TMEM94: variants seen among roughly 807,000 people sequenced by gnomAD.
TMEM94 encodes the protein transmembrane protein 94, also known as ER Mg2+ ATPase.
A neutral mutation model predicts 158.6 loss-of-function variants in TMEM94; 81 were observed. The ratio of observed to expected loss-of-function variants is 0.51; its 90% CI spans 0.43 to 0.61. TMEM94 has a LOEUF of 0.61. TMEM94 is among the 20% of genes least tolerant of loss of function. TMEM94 has a pLI of 0.00. For missense variants in TMEM94, 1,435 were observed against 1,762.0 expected, an observed-to-expected ratio of 0.81 and a Z score of 3.32; for synonymous variants, 751 against 730.7, an observed-to-expected ratio of 1.03 and a Z score of -0.45.
chr17:75,458,901 C>T (rs2049976260), intron 1 of TMEM94, among the ~76,000 whole-genome samples: 1 of 150,920 alleles, frequency 6.6e-6, no homozygotes, highest in Non-Finnish European at 1.5e-5. Flanking sequence ...ACTAAAAATG[C>T]AAAAAATTAG....
At position 75,492,788 on chromosome 17, in the gene TMEM94, T is replaced by C. The variant is rs760440197; in HGVS notation, c.1911T>C (p.Ile637=). The C allele has an allele frequency of 9.4e-6, 15 of 1,604,000 alleles. No homozygotes were observed. The South Asian group carries it at 1.5e-4, about 17-fold the overall frequency. ...GCCTCTGCGAGCTTGCCCGCCTCAT[T>C]GGTACAGGTCCCCATGGCAGGGGAT... is the stretch of plus-strand genomic sequence containing the variant. ...PWGLCELARL[I]GFTPGAKELF... is the part of the protein sequence containing the mutation. Residue 637 remains isoleucine, a splice_region_variant and synonymous_variant, in exon 15 of 32, where the codon ATT becomes ATC. Coordinates refer to ENST00000314256, the MANE Select transcript of TMEM94 (RefSeq NM_014738.6). This position sits in a 1 kb window ranked among gnomAD's most constrained non-coding sequence, Gnocchi z 4.4.
rs904357848 is a variant in TMEM94, at chr17:75,493,533, T to TA, written c.2130dup (p.Glu711ArgfsTer11). On this transcript the variant is annotated frameshift_variant, in exon 17 of 32. Transcript: ENST00000314256. LOFTEE classifies it high-confidence loss of function. ...TCCCATGGCACCGCTGATGTGGTCTTAGAGGCCTGCACAGACTTCTGGGAC... is the reference window on the plus strand; with the variant it reads ...TCCCATGGCACCGCTGATGTGGTCTTAAGAGGCCTGCACAGACTTCTGGGAC... 20 of 1,613,930 alleles carry TA rather than the reference T, an allele frequency of 1.2e-5. No individual in the cohort carries two copies. The highest frequency in any genetic ancestry group is 1.1e-4 in the African/African-American group (8 of 74,920).
rs543341924 is a variant in TMEM94 at position 75,499,152 on chromosome 17, C to T, written c.3998+70C>T. The T allele has an allele frequency of 4.1e-5, 65 of 1,581,920 alleles. No homozygotes were observed. In the African/African-American group the frequency reaches 7.6e-4, roughly 19 times the overall value. On this transcript the variant is annotated intron_variant, in intron 31 of 31. Coordinates refer to ENST00000314256, the MANE Select transcript of TMEM94 (RefSeq NM_014738.6). ...CCTAAACCTGTTACTCCCTTGGCGA[C>T]ACTCCCCCACCTTTCCGCTGCCCAT...
At chr17:75,477,320 T>TA (rs1236149648) in intron 2 of TMEM94, among the ~76,000 whole-genome samples, 1 of 152,168 alleles carries the variant, frequency 6.6e-6, no homozygotes, top group Non-Finnish European at 1.5e-5. Context: ...GAAGAGTGTA[T>TA]AGTGGCTGAA....
chr17:75,484,027 G>C (rs369158688), intron 2 of TMEM94, among the ~76,000 whole-genome samples: 2 of 152,292 alleles, frequency 1.3e-5, no homozygotes, highest in South Asian at 4.1e-4. Flanking sequence ...AGCCAGGAAT[G>C]GGGGAGTCCT....
chr17:75,486,425 A>G lies in TMEM94; in HGVS notation c.408A>G (p.Gln136=), dbSNP rs370748075. The G allele has an allele frequency of 1.9e-6, 3 of 1,614,200 alleles. No homozygotes were observed. The highest frequency in any genetic ancestry group is 1.3e-5 in the African/African-American group (1 of 75,066). Residue 136 remains glutamine (Q), a splice_region_variant and synonymous_variant, in exon 5 of 32, where the codon CAA becomes CAG. Coordinates refer to ENST00000314256, the MANE Select transcript of TMEM94 (RefSeq NM_014738.6). ...RRLRGIIDQI[Q]DALRDGREIQ... Reference sequence around the variant, plus strand: ...TGCGAGGGATCATTGACCAAATCCAAGGTGAGGTCAAGGGCAGGCATATTG... The same window carrying G: ...TGCGAGGGATCATTGACCAAATCCAGGGTGAGGTCAAGGGCAGGCATATTG...
At position 75,492,285 on chromosome 17, in the gene TMEM94, A is replaced by G. The variant is rs542273634; in HGVS notation, c.1597-189A>G. 3 of 1,427,716 alleles carry G rather than the reference A, an allele frequency of 2.1e-6. No individual in the cohort carries two copies. The African/African-American group carries it at 4.3e-5, about 20-fold the overall frequency. The allele number at this position is 1,427,716 out of a possible 1,614,324, so 88.4% of individuals were successfully genotyped here. A position where few individuals can be genotyped will look rare whatever the true frequency, so the allele number is the denominator to read the frequency against. On this transcript the variant is annotated intron_variant, in intron 14 of 31. Transcript: ENST00000314256. The surrounding 1 kb of genome is among the most constrained non-coding windows in gnomAD (Gnocchi z 4.4). ...ATATTAATAGTCCATAGAAGCAGAC[A>G]GGAGCCCAAGAAGGACAGGAAGCGG...
Position 75,495,566 on chromosome 17 carries a change from A to G in TMEM94, c.2867A>G (p.His956Arg), listed in dbSNP as rs1218053258. ...SNRAKLPRGI[H>R]QVRPHLQNID... ...CAGGCCAAGCTGCCCCGGGGTATCC[A>G]CCAAGTGCGGCCCCACCTGCAGAAC... Residue 956 changes from histidine (H) to arginine (R), a missense_variant, in exon 22 of 32, where the codon CAC (histidine) becomes CGC (arginine). This residue lies in a region of TMEM94 where 1,051 missense variants were observed against 1,254.4 expected (regional missense o/e 0.84). Transcript: ENST00000314256. The surrounding 1 kb of genome is among the most constrained non-coding windows in gnomAD (Gnocchi z 5.6). The G allele has an allele frequency of 1.9e-6, 3 of 1,613,420 alleles. No homozygotes were observed. Among genetic ancestry groups the G allele is most frequent in the African/African-American group, 2.7e-5 (2 of 74,918 alleles).
At position 75,472,616 on chromosome 17, in the gene TMEM94, G is replaced by T. The variant is rs544943826; in HGVS notation, c.24+687G>T. On this transcript the variant is annotated intron_variant, in intron 2 of 31. Transcript: ENST00000314256. ...AGGCAGGAGAATCGCTTGAACCCAG[G>T]AGGCAGAGGTTGCAGTGAGCAGAGA... 3.9e-5 allele frequency among the ~76,000 whole-genome samples: 6 copies of T among 152,322 alleles called. No individual in the cohort carries two copies. The East Asian group carries it at 1.2e-3, about 29-fold the overall frequency.
Position 75,499,285 on chromosome 17 carries a change from G to T in TMEM94, c.4022G>T (p.Arg1341Leu). The change falls in exon 32 of 32, where the codon CGA becomes CTA. Residue 1341 changes from arginine (R) to leucine (L), a missense_variant. Arg to Leu is a moderately radical substitution (Grantham distance 102, BLOSUM62 -2). Coordinates refer to ENST00000314256, the MANE Select transcript of TMEM94 (RefSeq NM_014738.6). The stretch of plus-strand genomic sequence containing the variant: ...AGGGTCCGAGTCCGCTACCAGAAGC[G>T]ACAGAAGCTGCAGTTTGAAACTAAG... ...EIRVRVRYQK[R>L]QKLQFETKLG... 1 of 1,613,704 alleles carries T rather than the reference G, an allele frequency of 6.2e-7. No homozygotes were observed. Among genetic ancestry groups the T allele is most frequent in the Non-Finnish European group, 8.5e-7 (1 of 1,179,978 alleles).
At position 75,497,762 on chromosome 17, in the gene TMEM94, C is replaced by T; in HGVS notation, c.3408-19C>T. On this transcript the variant is annotated intron_variant, in intron 26 of 31. Coordinates refer to ENST00000314256, the MANE Select transcript of TMEM94 (RefSeq NM_014738.6). ...GAGGGTCATTGTCACCATCCCTCTACCTGATCTCTGCTTTTCAGCATCTCT... is the reference window on the plus strand; with the variant it reads ...GAGGGTCATTGTCACCATCCCTCTATCTGATCTCTGCTTTTCAGCATCTCT... 1 of 1,602,180 alleles carries T rather than the reference C, an allele frequency of 6.2e-7. No homozygotes were observed. Among genetic ancestry groups the T allele is most frequent in the Non-Finnish European group, 8.6e-7 (1 of 1,169,086 alleles).
chr17:75,496,442 A>G lies in TMEM94; in HGVS notation c.3214A>G (p.Thr1072Ala). The G allele has an allele frequency of 3.1e-6, 5 of 1,613,366 alleles. No individual in the cohort carries two copies. Among genetic ancestry groups the G allele is most frequent in the Non-Finnish European group, 4.2e-6 (5 of 1,179,930 alleles). ...PCSLTFRQEETISIIRLIEQA... is the reference protein window; with the variant it reads ...PCSLTFRQEEAISIIRLIEQA... The stretch of plus-strand genomic sequence containing the variant: ...TTCCCTGACCTTTCGCCAGGAGGAG[A>G]CCATCAGCATCATCCGGCTTATCGA... The change falls in exon 24 of 32, where the codon ACC becomes GCC. Residue 1072 changes from threonine (T) to alanine (A), a missense_variant. Physicochemically the swap from Thr to Ala is moderately conservative, Grantham distance 58. This residue lies in a region of TMEM94 where 335 missense variants were observed against 409.1 expected (regional missense o/e 0.82). Coordinates refer to ENST00000314256, the MANE Select transcript of TMEM94 (RefSeq NM_014738.6).
rs2051952335 is a variant in TMEM94 at position 75,489,566 on chromosome 17, T to C, written c.868-10T>C. 3.1e-6 allele frequency: 5 copies of C among 1,613,252 alleles called. No homozygotes were observed. The highest frequency in any genetic ancestry group is 3.3e-5 in the Admixed American group (2 of 59,990). On this transcript the variant is annotated splice_polypyrimidine_tract_variant and intron_variant, in intron 8 of 31. Coordinates refer to ENST00000314256, the MANE Select transcript of TMEM94 (RefSeq NM_014738.6). This position sits in a 1 kb window ranked among gnomAD's most constrained non-coding sequence, Gnocchi z 5.0. Reference sequence around the variant, plus strand: ...CGGGGTCAAGGCTGTGCCTCTGCTGTTCCCAACAGGCCGGCTTCCTCATCA... The same window carrying C: ...CGGGGTCAAGGCTGTGCCTCTGCTGCTCCCAACAGGCCGGCTTCCTCATCA...
chr17:75,494,968 C>T lies in TMEM94; in HGVS notation c.2662C>T (p.Pro888Ser). Reference sequence around the variant, plus strand: ...CTCCCTCACACCCAATGGTGACATGCCTGGCTCCGAGATCCCCCCCTCCAG... The same window carrying T: ...CTCCCTCACACCCAATGGTGACATGTCTGGCTCCGAGATCCCCCCCTCCAG... ...HISLTPNGDM[P>S]GSEIPPSSPS... is the part of the protein sequence containing the mutation. Residue 888 changes from proline to serine, a missense_variant, in exon 20 of 32, where the codon CCT becomes TCT. Pro to Ser is a moderately conservative substitution (Grantham distance 74, BLOSUM62 -1). Coordinates refer to ENST00000314256, the MANE Select transcript of TMEM94 (RefSeq NM_014738.6). 1 of 1,613,466 alleles carries T rather than the reference C, an allele frequency of 6.2e-7. No homozygotes were observed. The highest frequency in any genetic ancestry group is 8.5e-7 in the Non-Finnish European group (1 of 1,180,018).
At chr17:75,462,011 G>GTTTTTTTTTTTTTTTTT (rs1156728166) in intron 1 of TMEM94, among the ~76,000 whole-genome samples, 8 of 92,866 alleles carry the variant, frequency 8.6e-5, no homozygotes, top group African/African-American at 2.0e-4. Context: ...GTTTTGTTTT[G>GTTTTTTTTTTTTTTTTT]TTTTTTTTTT....
At chr17:75,460,551 T>C (rs2050030284) in intron 1 of TMEM94, among the ~76,000 whole-genome samples, 2 of 151,422 alleles carry the variant, frequency 1.3e-5, no homozygotes, top group Non-Finnish European at 2.9e-5. Flanking sequence ...ACTTGCTCTG[T>C]AGCCCATGTT....
intron 2 of TMEM94, among the ~76,000 whole-genome samples, chr17:75,474,260 C>T (rs548984845): frequency 6.6e-6 from 1 of 152,230 alleles, no homozygotes; most frequent in East Asian, 1.9e-4. Context: ...AATCCCAGCA[C>T]TTTGGGAGGC....
At chr17:75,460,601 T>C (rs1024007481) in intron 1 of TMEM94, among the ~76,000 whole-genome samples, 1 of 94,832 alleles carries the variant, frequency 1.1e-5, no homozygotes, top group Admixed American at 1.1e-4. Context: ...GCAGCCTTGA[T>C]CTTCTGGGCT....
In TMEM94 at chr17:75,491,234, C is replaced by T. The variant is rs373952699; in HGVS notation, c.1234-69C>T. On this transcript the variant is annotated intron_variant, in intron 12 of 31. Coordinates refer to ENST00000314256, the MANE Select transcript of TMEM94 (RefSeq NM_014738.6). This position sits in a 1 kb window ranked among gnomAD's most constrained non-coding sequence, Gnocchi z 5.1. ...CTGGGCCTGGGCTGCCCACCTGCCG[C>T]TTGAGTGGCCCCTGGGCAGGATAGG... 3 of 1,596,888 alleles carry T rather than the reference C, an allele frequency of 1.9e-6. No individual in the cohort carries two copies. Among genetic ancestry groups the T allele is most frequent in the African/African-American group, 2.7e-5 (2 of 74,694 alleles).
Sources: gnomAD v4.1 joint callset for allele counts (sites outside exome capture counted in the v4.1 genomes callset) on GRCh38, gnomAD v4.1.1 for gene constraint, gnomAD v4.1.1 regional missense constraint, Gnocchi (gnomAD v3.1) non-coding constraint, MANE v1.5 for transcripts, NCBI Gene and HGNC (gene_info 2026-07-23, HGNC 2026-07-21) for gene names.